Variants in TMEM131 observed in about 807,000 individuals in gnomAD.
TMEM131 encodes the protein 2610524E03Rik.
TMEM131 carries 66 observed loss-of-function variants against 211.6 expected under a neutral mutation model. The observed-to-expected ratio is 0.31, with a 90% CI of 0.26 to 0.38. TMEM131 has a LOEUF of 0.38. Ranked by LOEUF, TMEM131 falls within the 10% of genes least tolerant of loss-of-function variation. The pLI is 1.00. For synonymous variants in TMEM131, 844 were observed against 841.3 expected (o/e 1.00, Z -0.06); for missense variants, 2,036 against 2,299.3 (o/e 0.89, Z 2.34).
At chr2:97,789,951 C>T (rs761595283) in intron 31 of TMEM131, among the ~76,000 whole-genome samples, 5 of 152,110 alleles carry the variant, frequency 3.3e-5, no homozygotes, top group African/African-American at 1.2e-4. Flanking sequence ...GCCATCCAAC[C>T]GCAGAAGGCA....
chr2:97,961,514 A>C (rs546823028), intron 1 of TMEM131, among the ~76,000 whole-genome samples: 1 of 152,356 alleles, frequency 6.6e-6, no homozygotes, highest in African/African-American at 2.4e-5. Flanking sequence ...ATGTGCTCTC[A>C]ATCAAAATCT....
intron 2 of TMEM131, among the ~76,000 whole-genome samples, chr2:97,914,172 G>GT (rs1676407368): frequency 6.6e-6 from 1 of 151,982 alleles, no homozygotes; most frequent in South Asian, 2.1e-4. Flanking sequence ...CTTTCTAATT[G>GT]TTTTGCTTCC....
intron 33 of TMEM131, among the ~76,000 whole-genome samples, chr2:97,768,312 C>T (rs1203913561): frequency 6.6e-6 from 1 of 152,054 alleles, no homozygotes; most frequent in Non-Finnish European, 1.5e-5. Context: ...TTTAAAAAAC[C>T]CATCTTCTAA....
intron 1 of TMEM131, among the ~76,000 whole-genome samples, chr2:97,949,064 A>G (rs1480343056): frequency 6.6e-6 from 1 of 152,218 alleles, no homozygotes; most frequent in Non-Finnish European, 1.5e-5. Context: ...AGACTTGTAC[A>G]TGAATATTTA....
chr2:97,789,811 G>C (rs1448697870), intron 31 of TMEM131, among the ~76,000 whole-genome samples: 1 of 152,180 alleles, frequency 6.6e-6, no homozygotes, highest in South Asian at 2.1e-4. Context: ...AAGAAGTACA[G>C]AATCTAATGA....
intron 4 of TMEM131, among the ~76,000 whole-genome samples, chr2:97,881,014 A>T (rs1480781916): frequency 6.6e-6 from 1 of 152,128 alleles, no homozygotes; most frequent in Non-Finnish European, 1.5e-5. Flanking sequence ...AAACAAAAAG[A>T]CCTAAAGTAG....
At chr2:97,806,762 G>A (rs1036485061) in intron 19 of TMEM131, among the ~76,000 whole-genome samples, 4 of 152,172 alleles carry the variant, frequency 2.6e-5, no homozygotes, top group African/African-American at 9.7e-5. Context: ...AGAGGTCTCT[G>A]AAATGATTAA....
chr2:97,966,978 G>C (rs2104587342), intron 1 of TMEM131, among the ~76,000 whole-genome samples: 1 of 152,052 alleles, frequency 6.6e-6, no homozygotes, highest in Admixed American at 6.6e-5. Context: ...CTTGTTCCAG[G>C]GGTGTTCACA....
intron 35 of TMEM131, 56 bp from the exon 36 acceptor site, chr2:97,762,256 C>A: frequency 6.4e-7 from 1 of 1,553,820 alleles, no homozygotes; most frequent in Non-Finnish European, 8.8e-7. Flanking sequence ...AGCGCTCTTC[C>A]AAATCACTTT....
At chr2:97,926,112 C>CA (rs879920203) in intron 2 of TMEM131, among the ~76,000 whole-genome samples, 1,036 of 88,698 alleles carry the variant, frequency 0.012, 4 homozygotes, top group Middle Eastern at 0.069. Context: ...GACCCTGTCT[C>CA]AAAAAAAAAA....
chr2:97,971,829 TC>T (rs1679308910), intron 1 of TMEM131, among the ~76,000 whole-genome samples: 1 of 150,088 alleles, frequency 6.7e-6, no homozygotes, highest in Admixed American at 6.7e-5. Flanking sequence ...ACCACTACAT[TC>T]CAGCCTGGGT....
At chr2:97,942,179 C>T (rs1452913425) in intron 1 of TMEM131, among the ~76,000 whole-genome samples, 1 of 151,936 alleles carries the variant, frequency 6.6e-6, no homozygotes, top group African/African-American at 2.4e-5. Flanking sequence ...TTTGTAGGGA[C>T]ATGGATGAAG....
intron 33 of TMEM131, among the ~76,000 whole-genome samples, chr2:97,771,915 C>T (rs1047993786): frequency 1.3e-5 from 2 of 152,212 alleles, no homozygotes; most frequent in East Asian, 1.9e-4. Context: ...GTTAACAATT[C>T]GACAGACTCA....
chr2:97,785,812 A>G (rs1042095465), intron 31 of TMEM131, among the ~76,000 whole-genome samples: 17 of 152,236 alleles, frequency 1.1e-4, no homozygotes, highest in East Asian at 5.8e-4. Context: ...CAGTACATCC[A>G]TAAGTTGGAC....
intron 33 of TMEM131, 51 bp downstream of exon 33, chr2:97,772,246 G>A (rs192384182): frequency 3.6e-5 from 57 of 1,570,538 alleles, no homozygotes; most frequent in African/African-American, 9.8e-5. Context: ...CCTGGTTTTC[G>A]CCAGCAACTT....
chr2:97,849,618 C>T (rs1288139452), intron 5 of TMEM131, among the ~76,000 whole-genome samples: 1 of 150,330 alleles, frequency 6.7e-6, no homozygotes, highest in Non-Finnish European at 1.5e-5. Flanking sequence ...TGCAAGTATA[C>T]TATAATTTAA....
At chr2:97,953,099 AAGAGCAAAG>A (rs1289299250) in intron 1 of TMEM131, among the ~76,000 whole-genome samples, 1 of 152,238 alleles carries the variant, frequency 6.6e-6, no homozygotes, top group Non-Finnish European at 1.5e-5. Context: ...TAAAGGAAAC[AAGAGCAAAG>A]GAAGGGGTAA....
intron 25 of TMEM131, among the ~76,000 whole-genome samples, chr2:97,800,547 T>G (rs1261358318): frequency 1.4e-5 from 2 of 147,652 alleles, no homozygotes; most frequent in African/African-American, 5.1e-5. Flanking sequence ...GTCAGGAGTT[T>G]GAAACTAGCC....
chr2:97,862,435 C>A (rs894068215), intron 4 of TMEM131, among the ~76,000 whole-genome samples: 2 of 151,764 alleles, frequency 1.3e-5, no homozygotes, highest in African/African-American at 2.4e-5. Flanking sequence ...ACCTTCCAGA[C>A]GGACAATTCA....
Sources: gnomAD v4.1 joint callset for allele counts (sites outside exome capture counted in the v4.1 genomes callset) on GRCh38, gnomAD v4.1.1 for gene constraint, MANE v1.5 for transcripts, NCBI Gene and HGNC (gene_info 2026-07-23, HGNC 2026-07-21) for gene names.